Variants in CDT1 observed in about 807,000 individuals in gnomAD.
CDT1 encodes the protein chromatin licensing and DNA replication factor 1, also known as DNA replication factor Cdt1.
In CDT1, 66 loss-of-function variants were observed where a neutral mutation model predicts 49.3. That is an observed-to-expected ratio of 1.34 (90% CI 1.10 to 1.64). The LOEUF (loss-of-function observed/expected upper bound fraction) is 1.64. Ranked by LOEUF, CDT1 falls within the 40% of genes most tolerant of loss-of-function variation. The pLI is 0.00. For missense variants in CDT1, 958 were observed against 807.7 expected, an observed-to-expected ratio of 1.19 and a Z score of -2.26; for synonymous variants, 424 against 347.4, an observed-to-expected ratio of 1.22 and a Z score of -2.45.
At position 88,806,393 on chromosome 16, in the gene CDT1, G is replaced by A. The variant is rs1908856531; in HGVS notation, c.934-93G>A. 1.0e-5 allele frequency: 15 copies of A among 1,449,014 alleles called. No individual in the cohort carries two copies. The Middle Eastern group carries it at 6.8e-4, about 66-fold the overall frequency. The allele number at this position is 1,449,014 out of a possible 1,614,324, so 89.8% of individuals were successfully genotyped here. The stretch of plus-strand genomic sequence containing the variant: ...GAGGCTGAGTGACTTGCCCGAGGCG[G>A]CCCGGCTGGGACGTAAGCACAGGCC... On this transcript the variant is annotated intron_variant, in intron 6 of 9. Transcript: ENST00000301019.
Position 88,808,266 on chromosome 16 carries a change from G to A in CDT1, c.1629G>A (p.Glu543=), listed in dbSNP as rs141644149. Residue 543 remains glutamate, a synonymous_variant, in exon 10 of 10, where the codon GAG becomes GAA. Coordinates refer to ENST00000301019, the MANE Select transcript of CDT1 (RefSeq NM_030928.4). ...TARLAHQTRA[E]EGL is the part of the protein sequence containing the mutation. ...GCCTGGCCCACCAGACACGTGCTGA[G>A]GAGGGGCTGTGAGCCTGGGGGCCAC... The A allele has an allele frequency of 1.1e-4, 172 of 1,591,876 alleles. No homozygotes were observed. In the African/African-American group the frequency reaches 2.1e-3, roughly 20 times the overall value.
In CDT1 at chr16:88,808,494, A is replaced by T; in HGVS notation, c.*216A>T. 1.7e-6 allele frequency: 1 copy of T among 595,882 alleles called. No individual in the cohort carries two copies. The highest frequency in any genetic ancestry group is 2.9e-6 in the Non-Finnish European group (1 of 340,026). The allele number at this position is 595,882 out of a possible 1,614,324, so 36.9% of individuals were successfully genotyped here. On this transcript the variant is annotated 3_prime_UTR_variant, in exon 10 of 10. Transcript: ENST00000301019. ...GGCTCACCTGGTGGATTCACATTAAACCGGTTTCTGTGGGCACCTCTGTCC... is the reference window on the plus strand; with the variant it reads ...GGCTCACCTGGTGGATTCACATTAATCCGGTTTCTGTGGGCACCTCTGTCC...
Position 88,805,670 on chromosome 16 carries a change from G to A in CDT1, c.686+33G>A, listed in dbSNP as rs372330019. ...GCCGGGGGTGGGCTGTGGCTGTCCT[G>A]GAGTTGGGGGTGGGCCCGGGCCTGC... is the stretch of plus-strand genomic sequence containing the variant. On this transcript the variant is annotated intron_variant, in intron 4 of 9. Transcript: ENST00000301019. 79 of 1,612,572 alleles carry A rather than the reference G, an allele frequency of 4.9e-5. No individual in the cohort carries two copies. In the Middle Eastern group the frequency reaches 1.5e-3, roughly 30 times the overall value.
At chr16:88,805,266 G>A (rs1247825869) in intron 3 of CDT1, among the ~76,000 whole-genome samples, 174 bp from the exon 4 acceptor site, 1 of 152,222 alleles carries the variant, frequency 6.6e-6, no homozygotes, top group African/African-American at 2.4e-5. Flanking sequence ...GGGCTTTCCC[G>A]TCACCACTGC....
At chr16:88,807,539 T>G in intron 9 of CDT1, 57 bp downstream of exon 9, 1 of 1,494,230 alleles carries the variant, frequency 6.7e-7, no homozygotes, top group Non-Finnish European at 9.3e-7. Context: ...GTGCTGCAGC[T>G]GCCTCCCCAG....
chr16:88,806,724 G>T (rs549493051), intron 7 of CDT1, 50 bp downstream of exon 7: 1 of 1,549,490 alleles, frequency 6.5e-7, no homozygotes, highest in Non-Finnish European at 8.7e-7. Context: ...GGGTGGGCCA[G>T]CCTGACCCCA....
In CDT1 at chr16:88,808,149, G is replaced by C; in HGVS notation, c.1512G>C (p.Glu504Asp). 6.2e-7 allele frequency: 1 copy of C among 1,612,804 alleles called. No individual in the cohort carries two copies. The highest frequency in any genetic ancestry group is 8.5e-7 in the Non-Finnish European group (1 of 1,179,944). The part of the protein sequence containing the change: ...EMEKHLLLLS[E>D]LLPDWLSLHR... ...AGAAGCACCTGCTGCTCCTCTCCGAGCTGCTGCCGGACTGGCTCAGCCTCC... is the reference window on the plus strand; with the variant it reads ...AGAAGCACCTGCTGCTCCTCTCCGACCTGCTGCCGGACTGGCTCAGCCTCC... The change falls in exon 10 of 10, where the codon GAG (glutamate) becomes GAC (aspartate). Residue 504 changes from glutamate to aspartate, a missense_variant. By Grantham distance (45) the Glu-to-Asp change is conservative (BLOSUM62 2). Coordinates refer to ENST00000301019, the MANE Select transcript of CDT1 (RefSeq NM_030928.4).
At chr16:88,807,026 C>T in intron 7 of CDT1, 25 bp from the exon 8 acceptor site, 2 of 1,612,750 alleles carry the variant, frequency 1.2e-6, no homozygotes, top group South Asian at 1.1e-5. Flanking sequence ...TGTGACCTCT[C>T]CAGTCCAACC....
chr16:88,804,975 G>A lies in CDT1; in HGVS notation c.488+77G>A. 4.6e-6 allele frequency: 7 copies of A among 1,513,534 alleles called. No individual in the cohort carries two copies. In the South Asian group the frequency reaches 8.5e-5, roughly 18 times the overall value. The allele number at this position is 1,513,534 out of a possible 1,614,324, so 93.8% of individuals were successfully genotyped here. The stretch of plus-strand genomic sequence containing the variant: ...CAGGCGTGGCCCAGCGAGCCTGTCA[G>A]AGGCCCAGGTCTGCTCCTTCCAGGG... On this transcript the variant is annotated intron_variant, in intron 3 of 9. Transcript: ENST00000301019.
rs1184453539 is a variant in CDT1, at chr16:88,803,989, C to T, written c.158C>T (p.Pro53Leu). Reference sequence around the variant, plus strand: ...AGTGGCAGCCGCAAGCGCGCCCGCCCGCCCGCCGCCCCCGGACGCGACCAG... The same window carrying T: ...AGTGGCAGCCGCAAGCGCGCCCGCCTGCCCGCCGCCCCCGGACGCGACCAG... ...ATSGSRKRAR[P>L]PAAPGRDQAR... Residue 53 changes from proline (P) to leucine (L), a missense_variant, in exon 1 of 10, where the codon CCG (proline) becomes CTG (leucine). Transcript: ENST00000301019. 1.1e-5 allele frequency: 16 copies of T among 1,448,736 alleles called. No individual in the cohort carries two copies. Among genetic ancestry groups the T allele is most frequent in the Admixed American group, 2.6e-5 (1 of 38,546 alleles). The allele number at this position is 1,448,736 out of a possible 1,614,324, so 89.7% of individuals were successfully genotyped here. A position where few individuals can be genotyped will look rare whatever the true frequency, so the allele number is the denominator to read the frequency against.
Position 88,808,387 on chromosome 16 carries a change from C to A in CDT1, c.*109C>A. 1 of 1,280,196 alleles carries A rather than the reference C, an allele frequency of 7.8e-7. No individual in the cohort carries two copies. Among genetic ancestry groups the A allele is most frequent in the Non-Finnish European group, 1.1e-6 (1 of 935,088 alleles). 79.3% of individuals were successfully genotyped at this position (1,280,196 alleles called of 1,614,324 possible). A position where few individuals can be genotyped will look rare whatever the true frequency, so the allele number is the denominator to read the frequency against. On this transcript the variant is annotated 3_prime_UTR_variant, in exon 10 of 10. Transcript: ENST00000301019. ...CACTTTGGCCTTCCTTTCCCCAGCG[C>A]CCCTGAGGGCCAGAGGCAGATGTGG...
chr16:88,807,972 C>G lies in CDT1; in HGVS notation c.1478-143C>G, dbSNP rs915166168. On this transcript the variant is annotated intron_variant, in intron 9 of 9. Transcript: ENST00000301019. Reference sequence around the variant, plus strand: ...CCCAGACCTGGGCCTCTGATCAGAACCACCTCTGCCCTAAGTCCTGGTGAT... The same window carrying G: ...CCCAGACCTGGGCCTCTGATCAGAAGCACCTCTGCCCTAAGTCCTGGTGAT... The G allele has an allele frequency of 1.2e-5, 11 of 894,824 alleles. No homozygotes were observed. The East Asian group carries it at 2.4e-4, about 19-fold the overall frequency. 55.4% of individuals were successfully genotyped at this position (894,824 alleles called of 1,614,324 possible).
At position 88,808,584 on chromosome 16, in the gene CDT1, G is replaced by A. The variant is rs1190817199; in HGVS notation, c.*306G>A. The A allele has an allele frequency of 6.6e-6, 3 of 452,122 alleles. No homozygotes were observed. The highest frequency in any genetic ancestry group is 8.0e-6 in the Non-Finnish European group (2 of 250,188). 28.0% of individuals were successfully genotyped at this position (452,122 alleles called of 1,614,324 possible). ...CTGGGGGGCCATCGGGAGTGTGGCT[G>A]GGGGTGAAGGGGGCTCTGTGGCAAT... On this transcript the variant is annotated 3_prime_UTR_variant, in exon 10 of 10. Coordinates refer to ENST00000301019, the MANE Select transcript of CDT1 (RefSeq NM_030928.4).
rs773268270 is a variant in CDT1, at chr16:88,807,303, A to G, written c.1298A>G (p.Lys433Arg). ...LERIRAKEAQ[K>R]QLAQMTRCPE... is the part of the protein sequence containing the mutation. ...CAGATCCGAGCCAAGGAGGCACAGA[A>G]GCAGCTGGCACAGATGACGCGGTGC... The change falls in exon 9 of 10, where the codon AAG becomes AGG. Residue 433 changes from lysine to arginine, a missense_variant. Lys to Arg is a conservative substitution (Grantham distance 26). Transcript: ENST00000301019. 2 of 1,612,416 alleles carry G rather than the reference A, an allele frequency of 1.2e-6. No individual in the cohort carries two copies. The highest frequency in any genetic ancestry group is 1.7e-6 in the Non-Finnish European group (2 of 1,179,930).
At position 88,804,442 on chromosome 16, in the gene CDT1, C is replaced by G. The variant is rs779342507; in HGVS notation, c.229-103C>G. 6.2e-6 allele frequency: 9 copies of G among 1,442,740 alleles called. No individual in the cohort carries two copies. The African/African-American group carries it at 9.9e-5, about 16-fold the overall frequency. 89.4% of individuals were successfully genotyped at this position (1,442,740 alleles called of 1,614,324 possible). ...AAGTCCTAAGCCCCCCAGCCATGCC[C>G]GTCCCAGTTAACTCAGAGCGGCTTC... On this transcript the variant is annotated intron_variant, in intron 1 of 9. Coordinates refer to ENST00000301019, the MANE Select transcript of CDT1 (RefSeq NM_030928.4).
At position 88,804,826 on chromosome 16, in the gene CDT1, C is replaced by T. The variant is rs1190312018; in HGVS notation, c.416C>T (p.Ala139Val). 3.7e-6 allele frequency: 6 copies of T among 1,612,342 alleles called. No individual in the cohort carries two copies. The highest frequency in any genetic ancestry group is 5.1e-6 in the Non-Finnish European group (6 of 1,179,758). ...CGGGAGCTGGGGGCAAGAGTCCGGG[C>T]GCTGAAGGCCAGTGCCCAGGATGCT... ...RARELGARVR[A>V]LKASAQDAGE... The change falls in exon 3 of 10, where the codon GCG (alanine) becomes GTG (valine). Residue 139 changes from alanine (A) to valine (V), a missense_variant. Physicochemically the swap from Ala to Val is moderately conservative, Grantham distance 64 (BLOSUM62 0). Coordinates refer to ENST00000301019, the MANE Select transcript of CDT1 (RefSeq NM_030928.4).
chr16:88,804,988 G>C, intron 3 of CDT1, 90 bp downstream of exon 3: 1 of 1,484,328 alleles, frequency 6.7e-7, no homozygotes, highest in Middle Eastern at 2.3e-4. Context: ...GCCCAGGTCT[G>C]CTCCTTCCAG....
chr16:88,807,001 G>A (rs371459382), intron 7 of CDT1, 50 bp from the exon 8 acceptor site: 4 of 1,611,234 alleles, frequency 2.5e-6, no homozygotes, highest in South Asian at 2.2e-5. Context: ...AGACAGCCAG[G>A]GGCACGTTGC....
chr16:88,807,547 C>T (rs1908913801), intron 9 of CDT1, 65 bp downstream of exon 9: 9 of 1,457,112 alleles, frequency 6.2e-6, no homozygotes, highest in Admixed American at 5.4e-5. Context: ...GCTGCCTCCC[C>T]AGCTTTCTGA....
Sources: gnomAD v4.1 joint callset for allele counts (sites outside exome capture counted in the v4.1 genomes callset) on GRCh38, gnomAD v4.1.1 for gene constraint, MANE v1.5 for transcripts, NCBI Gene and HGNC (gene_info 2026-07-23, HGNC 2026-07-21) for gene names.